The following RAP1GDS1 variants were observed in gnomAD, a reference collection of about 807,000 sequenced individuals.
The protein encoded by RAP1GDS1 is Rap1 GTPase-GDP dissociation stimulator 1, also known as RAP1, GTP-GDP dissociation stimulator 1.
In RAP1GDS1, 35 loss-of-function variants were observed where a neutral mutation model predicts 71.1. That is an observed-to-expected ratio of 0.49 (90% CI 0.38 to 0.65). The LOEUF (loss-of-function observed/expected upper bound fraction) is 0.65, where lower values mean the gene tolerates loss of function less well. Ranked by LOEUF, RAP1GDS1 falls within the 30% of genes least tolerant of loss-of-function variation. RAP1GDS1 has a pLI of 0.00. For synonymous variants in RAP1GDS1, 229 were observed against 243.1 expected, an observed-to-expected ratio of 0.94 and a Z score of 0.54; for missense variants, 663 against 706.1, an observed-to-expected ratio of 0.94 and a Z score of 0.69.
chr4:98,278,793 G>C (rs1345439253), intron 1 of RAP1GDS1, among the ~76,000 whole-genome samples: 1 of 152,182 alleles, frequency 6.6e-6, no homozygotes, highest in South Asian at 2.1e-4. Context: ...TTCAAGCTCA[G>C]TTACCTCATA....
intron 13 of RAP1GDS1, among the ~76,000 whole-genome samples, chr4:98,436,078 AAAT>A (rs1336721941): frequency 0.01 from 1,441 of 143,718 alleles, 16 homozygotes; most frequent in African/African-American, 0.035. Flanking sequence ...CTCAAAAAAA[AAAT>A]ATATATATAT....
chr4:98,352,806 C>T (rs1172131505), intron 4 of RAP1GDS1, among the ~76,000 whole-genome samples: 2 of 152,174 alleles, frequency 1.3e-5, no homozygotes, highest in African/African-American at 2.4e-5. Flanking sequence ...AAATGTTTTC[C>T]TCTGTTATCA....
intron 4 of RAP1GDS1, among the ~76,000 whole-genome samples, chr4:98,364,183 TCTC>T (rs1467683419): frequency 6.6e-6 from 1 of 152,160 alleles, no homozygotes; most frequent in Non-Finnish European, 1.5e-5. Context: ...GTTAAAATAA[TCTC>T]CTGCATTTAG....
intron 2 of RAP1GDS1, among the ~76,000 whole-genome samples, chr4:98,304,309 A>C (rs1729002672): frequency 6.6e-6 from 1 of 152,180 alleles, no homozygotes; most frequent in Non-Finnish European, 1.5e-5. Context: ...TCACATTCCC[A>C]CCAACAGTGT....
At chr4:98,344,969 A>G (rs1736009819) in intron 3 of RAP1GDS1, among the ~76,000 whole-genome samples, 1 of 152,078 alleles carries the variant, frequency 6.6e-6, no homozygotes, top group Non-Finnish European at 1.5e-5. Context: ...GACCATAGGC[A>G]TGTGCCACCA....
At chr4:98,418,980 A>G (rs572330911) in intron 10 of RAP1GDS1, among the ~76,000 whole-genome samples, 189 bp downstream of exon 10, 1 of 152,360 alleles carries the variant, frequency 6.6e-6, no homozygotes, top group South Asian at 2.1e-4. Context: ...GTGAGACTGT[A>G]CAAGAATAAT....
chr4:98,313,337 C>T (rs1433078200), intron 2 of RAP1GDS1, among the ~76,000 whole-genome samples: 1 of 152,122 alleles, frequency 6.6e-6, no homozygotes, highest in African/African-American at 2.4e-5. Context: ...TTTAAATGTT[C>T]ATCTTATCCA....
At chr4:98,261,938 T>TC (rs1722055902) in intron 1 of RAP1GDS1, among the ~76,000 whole-genome samples, 1 of 152,188 alleles carries the variant, frequency 6.6e-6, no homozygotes, top group South Asian at 2.1e-4. Flanking sequence ...CGCTTCCTTT[T>TC]CCCCCGCGTG....
intron 1 of RAP1GDS1, among the ~76,000 whole-genome samples, chr4:98,270,373 A>T (rs756580947): frequency 2.6e-5 from 4 of 152,184 alleles, no homozygotes; most frequent in African/African-American, 9.7e-5. Context: ...GGTATCTTAA[A>T]TATAACCTCT....
intron 7 of RAP1GDS1, among the ~76,000 whole-genome samples, chr4:98,405,280 GAAAT>G (rs1162964251): frequency 1.3e-5 from 2 of 152,092 alleles, no homozygotes; most frequent in Non-Finnish European, 2.9e-5. Context: ...ATTTAAGAAT[GAAAT>G]AAATGGAAAT....
chr4:98,288,826 GTCT>G (rs1468688786), intron 1 of RAP1GDS1, among the ~76,000 whole-genome samples: 1 of 152,118 alleles, frequency 6.6e-6, no homozygotes, highest in Non-Finnish European at 1.5e-5. Context: ...CTGCATAAAT[GTCT>G]TCTTTTGAGA....
chr4:98,324,031 C>T (rs549494526), intron 2 of RAP1GDS1, among the ~76,000 whole-genome samples: 3 of 151,044 alleles, frequency 2.0e-5, no homozygotes, highest in Non-Finnish European at 4.4e-5. Context: ...ACCCCATCGT[C>T]TCAGCCCAAA....
chr4:98,351,983 C>G (rs943090969), intron 3 of RAP1GDS1, among the ~76,000 whole-genome samples: 1 of 150,422 alleles, frequency 6.6e-6, no homozygotes, highest in African/African-American at 2.4e-5. Flanking sequence ...TTCACTGAAA[C>G]CTTTATACAT....
intron 7 of RAP1GDS1, among the ~76,000 whole-genome samples, chr4:98,415,132 G>C (rs544661706): frequency 6.6e-6 from 1 of 152,242 alleles, no homozygotes; most frequent in South Asian, 2.1e-4. Flanking sequence ...TCTCCTACTT[G>C]CACATCCGTT....
At chr4:98,278,506 T>G (rs1043018476) in intron 1 of RAP1GDS1, among the ~76,000 whole-genome samples, 1 of 152,214 alleles carries the variant, frequency 6.6e-6, no homozygotes, top group African/African-American at 2.4e-5. Flanking sequence ...CACAGTTAAC[T>G]ACTTATGATC....
chr4:98,386,052 C>CT (rs1289493534), intron 5 of RAP1GDS1, among the ~76,000 whole-genome samples: 1 of 147,186 alleles, frequency 6.8e-6, no homozygotes, highest in Non-Finnish European at 1.5e-5. Flanking sequence ...CAGTAGTCCT[C>CT]TTTAAAAAAA....
rs371169469 is a variant in RAP1GDS1 at position 98,434,573 on chromosome 4, G to GAGGCTAAAT, written c.1567+522_1567+530dup. Among the ~76,000 whole-genome samples, 1,087 of 151,234 alleles carry GAGGCTAAAT rather than the reference G, an allele frequency of 7.2e-3. 18 individuals carry two copies. Among genetic ancestry groups the GAGGCTAAAT allele is most frequent in the African/African-American group, 0.025 (1,046 of 41,164 alleles). On this transcript the variant is annotated intron_variant, in intron 13 of 14. Coordinates refer to ENST00000408927, the MANE Select transcript of RAP1GDS1 (RefSeq NM_001100427.2). ...TTGCATTCAGAACTCCCCCAAAGCAGAGGCTAAATAGGCTAAATAATTTCA... is the reference window on the plus strand; with the variant it reads ...TTGCATTCAGAACTCCCCCAAAGCAGAGGCTAAATAGGCTAAATAGGCTAAATAATTTCA...
intron 14 of RAP1GDS1, among the ~76,000 whole-genome samples, chr4:98,438,567 C>CATATATATATAT (rs36034058): frequency 3.5e-4 from 37 of 104,726 alleles, no homozygotes; most frequent in African/African-American, 1.4e-3. Flanking sequence ...TTTATTCTTC[C>CATATATATATAT]ATATATATAT....
intron 2 of RAP1GDS1, among the ~76,000 whole-genome samples, chr4:98,325,076 A>G (rs1165144714): frequency 6.6e-6 from 1 of 151,728 alleles, no homozygotes; most frequent in Non-Finnish European, 1.5e-5. Context: ...AATTTACAAG[A>G]AAAAGACAAA....
Sources: allele counts gnomAD v4.1 joint callset (sites outside exome capture counted in the v4.1 genomes callset), GRCh38; gene constraint gnomAD v4.1.1; transcripts MANE v1.5; gene names NCBI Gene and HGNC (gene_info 2026-07-23, HGNC 2026-07-21).